Variants in USP37 observed in about 807,000 individuals in gnomAD.
USP37 encodes the protein ubiquitin specific peptidase 37, also known as ubiquitin carboxyl-terminal hydrolase 37.
A neutral mutation model predicts 124.0 loss-of-function variants in USP37; 27 were observed. That is an observed-to-expected ratio of 0.22 (90% CI 0.16 to 0.30). The LOEUF (loss-of-function observed/expected upper bound fraction) is 0.30. USP37 is among the 10% of genes least tolerant of loss of function. The probability of loss-of-function intolerance (pLI) is 1.00; values close to 1 mark genes in which losing one functional copy is unlikely to be tolerated. For missense variants in USP37, 889 were observed against 1,140.4 expected, an observed-to-expected ratio of 0.78 and a Z score of 3.17; for synonymous variants, 365 against 388.0, an observed-to-expected ratio of 0.94 and a Z score of 0.70.
intron 15 of USP37, among the ~76,000 whole-genome samples, chr2:218,487,277 G>T (rs551194696): frequency 6.6e-6 from 1 of 152,108 alleles, no homozygotes. Context: ...AATAGGGTAC[G>T]TACAACCTAA....
At chr2:218,515,246 C>T (rs1178856817) in intron 10 of USP37, among the ~76,000 whole-genome samples, 2 of 151,820 alleles carry the variant, frequency 1.3e-5, no homozygotes, top group Non-Finnish European at 2.9e-5. Context: ...CAAGACAATC[C>T]TAAGCAAAAA....
chr2:218,549,857 C>A lies in USP37; in HGVS notation c.381G>T (p.Arg127Ser), dbSNP rs998901676. The change falls in exon 6 of 26, where the codon AGG becomes AGT. Residue 127 changes from arginine to serine, a missense_variant. Arg to Ser is a moderately radical substitution (Grantham distance 110). Transcript: ENST00000258399. The stretch of plus-strand genomic sequence containing the variant: ...GCCTGCTGGTTTCCTTCTGTGAGGT[C>A]CTGCTGCCCAGAATGGCTCCAAAAC... ...SGSFGAILGS[R>S]TSQKETSRQL... The A allele has an allele frequency of 1.9e-6, 3 of 1,613,210 alleles. No individual in the cohort carries two copies. The African/African-American group carries it at 4.0e-5, about 22-fold the overall frequency.
At chr2:218,538,483 C>T (rs1031370687) in intron 8 of USP37, among the ~76,000 whole-genome samples, 2 of 152,204 alleles carry the variant, frequency 1.3e-5, no homozygotes, top group African/African-American at 4.8e-5. Context: ...ACTAAAGAGA[C>T]ACTAAACAAT....
At chr2:218,486,452 G>A (rs2105978922) in intron 15 of USP37, 1 of 152,294 alleles carries the variant, frequency 6.6e-6, no homozygotes, top group South Asian at 2.1e-4. Flanking sequence ...GCCTTGCTCT[G>A]TCACCCAGGC....
intron 25 of USP37, 47 bp downstream of exon 25, chr2:218,455,533 T>G: frequency 6.7e-7 from 1 of 1,486,376 alleles, no homozygotes; most frequent in Non-Finnish European, 9.0e-7. Flanking sequence ...AAAAAAGAGT[T>G]CCGGTGATTT....
intron 10 of USP37, among the ~76,000 whole-genome samples, chr2:218,526,785 CTTTTTTTT>C (rs71064454): frequency 1.1e-4 from 8 of 75,920 alleles, no homozygotes; most frequent in East Asian, 1.1e-3. Context: ...ATTTCATTTG[CTTTTTTTT>C]TTTTTTTTTT....
chr2:218,499,109 C>G (rs1226985878), intron 11 of USP37, among the ~76,000 whole-genome samples: 20 of 152,112 alleles, frequency 1.3e-4, no homozygotes, highest in Admixed American at 1.3e-3. Flanking sequence ...CCTGTCTCTA[C>G]TAAAAATACA....
chr2:218,555,808 A>G (rs1328425396), intron 4 of USP37, among the ~76,000 whole-genome samples: 2 of 151,978 alleles, frequency 1.3e-5, no homozygotes, highest in African/African-American at 2.4e-5. Flanking sequence ...TCACACCCCA[A>G]TTCTTCCCCT....
chr2:218,559,935 G>A (rs947962476), intron 3 of USP37, among the ~76,000 whole-genome samples: 11 of 151,992 alleles, frequency 7.2e-5, no homozygotes, highest in Admixed American at 2.0e-4. Context: ...AGCCATGATT[G>A]CACCACTCAA....
rs1688847267 is a variant in USP37, at chr2:218,492,571, C to T, written c.1472+3189G>A. The stretch of plus-strand genomic sequence containing the variant: ...AACATGGTAACTAATTTAAAAGATG[C>T]TGCAACAATTCAAACAAGAGATGAT... On this transcript the variant is annotated intron_variant, in intron 14 of 25. Coordinates refer to ENST00000258399, the MANE Select transcript of USP37 (RefSeq NM_020935.3). Among the ~76,000 whole-genome samples the T allele has an allele frequency of 3.3e-5, 5 of 152,160 alleles. No homozygotes were observed. In the South Asian group the frequency reaches 1.0e-3, roughly 32 times the overall value.
At chr2:218,548,646 T>G (rs1692506148) in intron 6 of USP37, among the ~76,000 whole-genome samples, 5 of 152,146 alleles carry the variant, frequency 3.3e-5, no homozygotes, top group Admixed American at 3.3e-4. Context: ...CCTGGCCGCA[T>G]AGTAAGAAAT....
At chr2:218,522,192 A>G (rs1690691611) in intron 10 of USP37, among the ~76,000 whole-genome samples, 1 of 151,938 alleles carries the variant, frequency 6.6e-6, no homozygotes, top group African/African-American at 2.4e-5. Flanking sequence ...TTAAGTCTTA[A>G]TATCTGGCCA....
At chr2:218,501,631 C>T (rs1689396455) in intron 11 of USP37, among the ~76,000 whole-genome samples, 1 of 152,164 alleles carries the variant, frequency 6.6e-6, no homozygotes, top group South Asian at 2.1e-4. Flanking sequence ...TGTCTGGAGG[C>T]AATTTGTGAA....
chr2:218,547,018 C>A lies in USP37; in HGVS notation c.503G>T (p.Arg168Ile), dbSNP rs752418328. The part of the protein sequence containing the change: ...PFRKVLGNPG[R>I]GSIKTVAGSG... ...TCCTGCTACAGTCTTAATCGATCCTCTACCCGGATTACCAAGAACTTTTCG... is the reference window on the plus strand; with the variant it reads ...TCCTGCTACAGTCTTAATCGATCCTATACCCGGATTACCAAGAACTTTTCG... Residue 168 changes from arginine to isoleucine, a missense_variant, in exon 7 of 26, where the codon AGA (arginine) becomes ATA (isoleucine). Arg to Ile is a moderately conservative substitution (Grantham distance 97, BLOSUM62 -3). Around this residue, in one of 3 missense-constraint regions of USP37, gnomAD observed 374 missense variants for 386.0 expected, o/e 0.97. Transcript: ENST00000258399. 7.4e-6 allele frequency: 12 copies of A among 1,612,858 alleles called. No individual in the cohort carries two copies. The highest frequency in any genetic ancestry group is 9.3e-6 in the Non-Finnish European group (11 of 1,179,772).
chr2:218,531,011 A>C (rs1170119517), intron 9 of USP37, among the ~76,000 whole-genome samples: 3 of 152,244 alleles, frequency 2.0e-5, no homozygotes, highest in Admixed American at 6.5e-5. Flanking sequence ...ATAAAAGTAC[A>C]AAGTGAAGCA....
chr2:218,472,143 CA>C lies in USP37; in HGVS notation c.2299+2486del, dbSNP rs1690730667. The stretch of plus-strand genomic sequence containing the variant: ...AATGTGATCTCTCCAGCAGGGCAGC[CA>C]AACTTCTTACGTAGCAGCTTAGGGT... On this transcript the variant is annotated intron_variant, in intron 20 of 25. Transcript: ENST00000258399. Among the ~76,000 whole-genome samples, 2 of 152,048 alleles carry C rather than the reference CA, an allele frequency of 1.3e-5. 1 individual carries two copies. The highest frequency in any genetic ancestry group is 1.3e-4 in the Admixed American group (2 of 15,246).
At chr2:218,475,420 G>A (rs575205065) in intron 19 of USP37, among the ~76,000 whole-genome samples, 50 of 151,792 alleles carry the variant, frequency 3.3e-4, no homozygotes, top group African/African-American at 1.2e-3. Flanking sequence ...CCAACATGGC[G>A]AAAACCCGTC....
At chr2:218,503,442 C>T (rs1241777266) in intron 11 of USP37, among the ~76,000 whole-genome samples, 3 of 152,170 alleles carry the variant, frequency 2.0e-5, no homozygotes, top group Non-Finnish European at 2.9e-5. Context: ...ATGGGCTGGG[C>T]GCGGTGGCTC....
Position 218,533,612 on chromosome 2 carries a change from A to G in USP37, c.778+997T>C, listed in dbSNP as rs984709055. Among the ~76,000 whole-genome samples the G allele has an allele frequency of 2.0e-5, 3 of 152,320 alleles. No individual in the cohort carries two copies. In the East Asian group the frequency reaches 5.8e-4, roughly 29 times the overall value. ...AGCTGAGAGACAATAAGCAGAGTTT[A>G]TATCTTCTAAATATTATTATTTCAG... On this transcript the variant is annotated intron_variant, in intron 9 of 25. Coordinates refer to ENST00000258399, the MANE Select transcript of USP37 (RefSeq NM_020935.3).
Sources: gnomAD v4.1 joint callset for allele counts (sites outside exome capture counted in the v4.1 genomes callset) on GRCh38, gnomAD v4.1.1 for gene constraint, gnomAD v4.1.1 regional missense constraint, MANE v1.5 for transcripts, NCBI Gene and HGNC (gene_info 2026-07-23, HGNC 2026-07-21) for gene names.